Variants in DCC observed in about 807,000 individuals in gnomAD.
DCC encodes netrin receptor DCC.
DCC carries 58 observed loss-of-function variants against 172.5 expected under a neutral mutation model. The ratio of observed to expected loss-of-function variants is 0.34; its 90% CI spans 0.27 to 0.42. DCC has a LOEUF of 0.42. DCC is among the 10% of genes least tolerant of loss of function. The probability of loss-of-function intolerance (pLI) is 1.00; values close to 1 mark genes in which losing one functional copy is unlikely to be tolerated. For synonymous variants in DCC, 709 were observed against 644.5 expected (o/e 1.10, Z -1.52); for missense variants, 1,740 against 1,791.0 (o/e 0.97, Z 0.51).
At chr18:52,896,937 C>A (rs1220898093) in intron 2 of DCC, among the ~76,000 whole-genome samples, 1 of 152,126 alleles carries the variant, frequency 6.6e-6, no homozygotes. Flanking sequence ...AGTATCCTTT[C>A]CTAATTATAC....
At chr18:53,166,578 A>G (rs2054925638) in intron 8 of DCC, among the ~76,000 whole-genome samples, 1 of 152,166 alleles carries the variant, frequency 6.6e-6, no homozygotes, top group Non-Finnish European at 1.5e-5. Context: ...AACTCCCAAG[A>G]TATAGCTCAT....
chr18:53,093,276 C>T (rs2043039826), intron 7 of DCC, among the ~76,000 whole-genome samples: 1 of 151,658 alleles, frequency 6.6e-6, no homozygotes, highest in African/African-American at 2.4e-5. Context: ...GACTCTGTCT[C>T]AAAAAACTAA....
At chr18:53,342,286 A>G (rs1054536437) in intron 15 of DCC, among the ~76,000 whole-genome samples, 1 of 152,070 alleles carries the variant, frequency 6.6e-6, no homozygotes, top group African/African-American at 2.4e-5. Context: ...CTTGCCTGCT[A>G]TAGGCATAGA....
intron 15 of DCC, among the ~76,000 whole-genome samples, chr18:53,373,677 A>T (rs935260885): frequency 6.6e-6 from 1 of 152,108 alleles, no homozygotes; most frequent in African/African-American, 2.4e-5. Context: ...CAATTTTTCC[A>T]CCTACTCAGG....
intron 5 of DCC, among the ~76,000 whole-genome samples, chr18:52,988,827 T>A (rs972260804): frequency 1.3e-5 from 2 of 152,126 alleles, no homozygotes; most frequent in Non-Finnish European, 2.9e-5. Context: ...CTATGCACCA[T>A]CCTTATACAT....
intron 7 of DCC, among the ~76,000 whole-genome samples, chr18:53,067,209 A>G (rs1013265246): frequency 6.6e-6 from 1 of 152,132 alleles, no homozygotes; most frequent in African/African-American, 2.4e-5. Context: ...GAAGCTTAAT[A>G]TATTGCTGAA....
intron 2 of DCC, among the ~76,000 whole-genome samples, chr18:52,876,891 G>T (rs1467181244): frequency 6.6e-6 from 1 of 152,038 alleles, no homozygotes; most frequent in Non-Finnish European, 1.5e-5. Flanking sequence ...ATCTCTTGTC[G>T]CAGACCCTCC....
At chr18:52,365,789 C>T (rs1984821120) in intron 1 of DCC, among the ~76,000 whole-genome samples, 1 of 152,192 alleles carries the variant, frequency 6.6e-6, no homozygotes, top group Non-Finnish European at 1.5e-5. Context: ...TTGATTGTCA[C>T]ACAATCTCTG....
chr18:52,542,700 G>T (rs999632957), intron 1 of DCC, among the ~76,000 whole-genome samples: 2 of 152,116 alleles, frequency 1.3e-5, no homozygotes, highest in Non-Finnish European at 2.9e-5. Context: ...TTAGCTGGGT[G>T]TGGTGGTGCA....
At chr18:53,435,055 T>G in intron 21 of DCC, 89 bp from the exon 22 acceptor site, 2 of 971,862 alleles carry the variant, frequency 2.1e-6, no homozygotes, top group Non-Finnish European at 3.3e-6. Context: ...TAATCTGTTC[T>G]GTTATTGTGT....
intron 1 of DCC, among the ~76,000 whole-genome samples, chr18:52,479,703 C>A (rs1271016626): frequency 1.3e-5 from 2 of 151,648 alleles, no homozygotes; most frequent in African/African-American, 2.4e-5. Flanking sequence ...AGGACAAATG[C>A]AGACAACATT....
chr18:53,178,917 G>C, intron 8 of DCC, 45 bp from the exon 9 acceptor site: 1 of 1,610,918 alleles, frequency 6.2e-7, no homozygotes. Flanking sequence ...TTGGCTGAAG[G>C]TATTCTTTTT....
At chr18:53,424,783 AT>A (rs1348792866) in intron 21 of DCC, among the ~76,000 whole-genome samples, 4 of 152,202 alleles carry the variant, frequency 2.6e-5, no homozygotes, top group African/African-American at 9.6e-5. Flanking sequence ...AACATATCTC[AT>A]GCCTACCTTT....
At chr18:53,243,776 G>T (rs1431765541) in intron 12 of DCC, among the ~76,000 whole-genome samples, 1 of 152,138 alleles carries the variant, frequency 6.6e-6, no homozygotes, top group Non-Finnish European at 1.5e-5. Context: ...GAAGTGAAGG[G>T]TTAAGAACAA....
chr18:52,836,415 G>C (rs2038705699), intron 2 of DCC, among the ~76,000 whole-genome samples: 1 of 152,176 alleles, frequency 6.6e-6, no homozygotes, highest in Non-Finnish European at 1.5e-5. Context: ...TTCCACCTCT[G>C]AGCTTGCAAA....
chr18:53,304,063 TCTC>T (rs147211592), intron 12 of DCC, among the ~76,000 whole-genome samples: 21,408 of 151,962 alleles, frequency 0.14, 2,195 homozygotes, highest in African/African-American at 0.28. Flanking sequence ...CTCCTTCTCT[TCTC>T]TTCTTTTCTG....
chr18:53,272,307 T>C (rs1458112463), intron 12 of DCC, among the ~76,000 whole-genome samples: 1 of 152,166 alleles, frequency 6.6e-6, no homozygotes, highest in African/African-American at 2.4e-5. Context: ...ATATAGGATT[T>C]ATTAATAAAA....
rs191555550 is a variant in DCC, at chr18:52,588,200, G to A, written c.92-163854G>A. 4.6e-5 allele frequency among the ~76,000 whole-genome samples: 7 copies of A among 152,226 alleles called. No homozygotes were observed. In the East Asian group the frequency reaches 1.4e-3, roughly 30 times the overall value. ...AGGTCCTTGCTTCAAAATCCTAGAG[G>A]CCTCCTCTGTGATTCACCTATAGGG... On this transcript the variant is annotated intron_variant, in intron 1 of 28. Transcript: ENST00000442544.
intron 12 of DCC, among the ~76,000 whole-genome samples, chr18:53,271,901 C>T (rs2056753660): frequency 6.6e-6 from 1 of 152,072 alleles, no homozygotes; most frequent in African/African-American, 2.4e-5. Flanking sequence ...GTATTGTCAC[C>T]TGCCTATTTT....
Sources: allele counts gnomAD v4.1 joint callset (sites outside exome capture counted in the v4.1 genomes callset), GRCh38; gene constraint gnomAD v4.1.1; transcripts MANE v1.5; gene names NCBI Gene and HGNC (gene_info 2026-07-23, HGNC 2026-07-21).